USH2A: variants seen among roughly 807,000 people sequenced by gnomAD.
USH2A encodes Usher syndrome 2A (autosomal recessive, mild).
USH2A carries 443 observed loss-of-function variants against 538.9 expected under a neutral mutation model. The observed-to-expected ratio is 0.82, with a 90% CI of 0.76 to 0.89. The LOEUF (loss-of-function observed/expected upper bound fraction) is 0.89. Among genes scored for constraint, USH2A ranks in the 40% least tolerant of loss-of-function variants. The pLI is 0.00. For missense variants in USH2A, 6,633 were observed against 6,324.8 expected (o/e 1.05, Z -1.65); for synonymous variants, 2,413 against 2,273.5 (o/e 1.06, Z -1.75).
intron 3 of USH2A, among the ~76,000 whole-genome samples, chr1:216,390,966 C>A (rs1397673045): frequency 1.3e-5 from 2 of 152,020 alleles, no homozygotes; most frequent in Non-Finnish European, 1.5e-5. Context: ...AGTGGACCGA[C>A]AAGAACATCA....
chr1:215,968,883 T>G (rs1426971492), intron 36 of USH2A, among the ~76,000 whole-genome samples: 1 of 152,178 alleles, frequency 6.6e-6, no homozygotes, highest in Non-Finnish European at 1.5e-5. Flanking sequence ...TTGTTGAGTA[T>G]CACATCATAA....
intron 65 of USH2A, among the ~76,000 whole-genome samples, 175 bp downstream of exon 65, chr1:215,650,417 T>A (rs1399647567): frequency 6.6e-6 from 1 of 152,200 alleles, no homozygotes; most frequent in East Asian, 1.9e-4. Context: ...GTATGTTTCC[T>A]CAGGGTTCAC....
rs540231514 is a variant in USH2A at position 216,313,018 on chromosome 1, G to C, written c.1644+8865C>G. Among the ~76,000 whole-genome samples, 15 of 152,178 alleles carry C rather than the reference G, an allele frequency of 9.9e-5. No homozygotes were observed. In the South Asian group the frequency reaches 2.9e-3, roughly 29 times the overall value. The stretch of plus-strand genomic sequence containing the variant: ...CCAATATTTTTGGCACCAGGGATCG[G>C]TTTTGTGGAAGACAACTTTTCCACG... On this transcript the variant is annotated intron_variant, in intron 9 of 71. Coordinates refer to ENST00000307340, the MANE Select transcript of USH2A (RefSeq NM_206933.4).
chr1:216,247,334 T>G, intron 12 of USH2A, 108 bp from the exon 13 acceptor site: 1 of 1,405,360 alleles, frequency 7.1e-7, no homozygotes, highest in Non-Finnish European at 9.8e-7. Context: ...AAATATTGAG[T>G]GTTTTCTCAC....
intron 27 of USH2A, among the ~76,000 whole-genome samples, chr1:216,074,332 C>T (rs1250547547): frequency 7.5e-6 from 1 of 133,850 alleles, no homozygotes; most frequent in African/African-American, 2.7e-5. Flanking sequence ...TGTTCTCTCT[C>T]TCTCTCTCTC....
chr1:215,673,989 G>A (rs1321745900), intron 63 of USH2A, 111 bp downstream of exon 63: 13 of 1,588,814 alleles, frequency 8.2e-6, no homozygotes, highest in East Asian at 2.2e-5. Context: ...ATGGAGGTTG[G>A]GGACACCTTG....
intron 21 of USH2A, among the ~76,000 whole-genome samples, chr1:216,132,386 TTTATAC>T (rs1455040246): frequency 6.6e-6 from 1 of 152,106 alleles, no homozygotes; most frequent in Non-Finnish European, 1.5e-5. Flanking sequence ...ATGTATAGTC[TTTATAC>T]TGTTATCTGT....
At chr1:216,304,521 A>G (rs921282444) in intron 9 of USH2A, among the ~76,000 whole-genome samples, 3 of 151,948 alleles carry the variant, frequency 2.0e-5, no homozygotes, top group Non-Finnish European at 2.9e-5. Flanking sequence ...TAGCAATCTC[A>G]GCATACTTTT....
At chr1:215,830,822 T>C (rs1348417239) in intron 47 of USH2A, among the ~76,000 whole-genome samples, 1 of 152,196 alleles carries the variant, frequency 6.6e-6, no homozygotes, top group Non-Finnish European at 1.5e-5. Context: ...GCAAAGTTTA[T>C]AGCTTTGTTA....
At chr1:216,410,736 A>C (rs2039474369) in intron 3 of USH2A, among the ~76,000 whole-genome samples, 1 of 152,156 alleles carries the variant, frequency 6.6e-6, no homozygotes, top group Admixed American at 6.6e-5. Flanking sequence ...TGTACCTGCA[A>C]TTACATAAGC....
intron 21 of USH2A, among the ~76,000 whole-genome samples, chr1:216,100,113 G>C (rs528395428): frequency 6.6e-6 from 1 of 152,294 alleles, no homozygotes; most frequent in Non-Finnish European, 1.5e-5. Flanking sequence ...AGTTAACTGT[G>C]TAAACACTTC....
Position 215,993,076 on chromosome 1 carries a change from T to C in USH2A, c.6749A>G (p.His2250Arg), listed in dbSNP as rs1476492578. The C allele has an allele frequency of 5.6e-6, 9 of 1,613,904 alleles. No individual in the cohort carries two copies. The highest frequency in any genetic ancestry group is 7.6e-6 in the Non-Finnish European group (9 of 1,179,972). ...ATTAAAGGAGTCAGGTGAATATGAG[T>C]GGGCTTTGGGGGCTGGCACGCCTTC... ...IPEGVPAPKAHSYSPDSFNVS... is the reference protein window; with the variant it reads ...IPEGVPAPKARSYSPDSFNVS... Residue 2250 changes from histidine (H) to arginine (R), a missense_variant, in exon 35 of 72, where the codon CAC (histidine) becomes CGC (arginine). Transcript: ENST00000307340.
At chr1:216,421,304 T>C (rs2102787496) in intron 2 of USH2A, among the ~76,000 whole-genome samples, 1 of 152,218 alleles carries the variant, frequency 6.6e-6, no homozygotes, top group Admixed American at 6.5e-5. Flanking sequence ...CTAAAAGCTA[T>C]ATGTTTTTAG....
chr1:215,975,819 T>C lies in USH2A; in HGVS notation c.6806-5043A>G, dbSNP rs550188163. Among the ~76,000 whole-genome samples the C allele has an allele frequency of 1.1e-3, 166 of 152,192 alleles. 1 individual carries two copies. The highest frequency in any genetic ancestry group is 2.1e-3 in the Non-Finnish European group (143 of 68,042). On this transcript the variant is annotated intron_variant, in intron 35 of 71. Transcript: ENST00000307340. ...TTTTGGGCTCTTTTTGGGTTCCATA[T>C]GAATTTTAGAATAGCTTTTTCCTAA...
rs1379695165 is a variant in USH2A, at chr1:216,198,328, T to C, written c.4068A>G (p.Arg1356=). 2 of 1,614,014 alleles carry C rather than the reference T, an allele frequency of 1.2e-6. No homozygotes were observed. The highest frequency in any genetic ancestry group is 3.3e-5 in the Admixed American group (2 of 60,018). ...GSVSSAWVSE[R]TGESAPVFMI... ...ATTGATCTTTACCTGATTCTCCCGT[T>C]CTTTCTGAGACCCAGGCAGAAGACA... The change falls in exon 18 of 72, where the codon AGA becomes AGG. Residue 1356 remains arginine (R), a synonymous_variant. Transcript: ENST00000307340.
intron 21 of USH2A, among the ~76,000 whole-genome samples, chr1:216,153,499 A>G (rs58097592): frequency 2.6e-5 from 4 of 152,224 alleles, no homozygotes; most frequent in Admixed American, 6.5e-5. Flanking sequence ...GCCCAATTAT[A>G]TTCCTATGAT....
chr1:216,091,005 C>G (rs1330596767), intron 22 of USH2A, among the ~76,000 whole-genome samples: 2 of 152,158 alleles, frequency 1.3e-5, no homozygotes, highest in Non-Finnish European at 2.9e-5. Context: ...TAATAGTTCT[C>G]TACATCAGAA....
At chr1:216,046,761 T>C (rs1399037011) in intron 31 of USH2A, among the ~76,000 whole-genome samples, 169 bp from the exon 32 acceptor site, 1 of 152,230 alleles carries the variant, frequency 6.6e-6, no homozygotes, top group African/African-American at 2.4e-5. Context: ...GTTAAATAAC[T>C]GTCCCACATT....
In USH2A at chr1:215,675,743, C is replaced by T. The variant is rs552037684; in HGVS notation, c.12295-127G>A. 5 of 1,539,888 alleles carry T rather than the reference C, an allele frequency of 3.2e-6. No individual in the cohort carries two copies. The South Asian group carries it at 6.0e-5, about 18-fold the overall frequency. On this transcript the variant is annotated intron_variant, in intron 62 of 71. Coordinates refer to ENST00000307340, the MANE Select transcript of USH2A (RefSeq NM_206933.4). ...ATGACCCTAATTTAGAAGAAGTATT[C>T]TGATATTAATTGGGGATATGTGATT...
Sources: allele counts gnomAD v4.1 joint callset (sites outside exome capture counted in the v4.1 genomes callset), GRCh38; gene constraint gnomAD v4.1.1; transcripts MANE v1.5; gene names NCBI Gene and HGNC (gene_info 2026-07-23, HGNC 2026-07-21).